Variants in CFAP210 observed in about 807,000 individuals in gnomAD.
The protein encoded by CFAP210 is cilia and flagella associated protein 210.
At chr2:169,658,661 T>C in the CFAP210 span, 1 of 190,900 alleles carries the variant, frequency 5.2e-6, no homozygotes, top group Non-Finnish European at 1.1e-5. Context: ...AAAACTGTAT[T>C]CTCAGTCAGT....
At chr2:169,671,751 G>A in the CFAP210 span, among the ~76,000 whole-genome samples, 64 of 152,322 alleles carry the variant, frequency 4.2e-4, 1 homozygote, top group African/African-American at 1.5e-3. Context: ...ATTGGGAGGC[G>A]TGAGCCACCG....
the CFAP210 span, chr2:169,654,300 G>A: frequency 8.5e-7 from 1 of 1,181,954 alleles, no homozygotes; most frequent in Non-Finnish European, 1.2e-6. Context: ...CTGTCAAATG[G>A]TCACAGCTTC....
At chr2:169,668,268 C>G in the CFAP210 span, among the ~76,000 whole-genome samples, 1 of 152,208 alleles carries the variant, frequency 6.6e-6, no homozygotes, top group Non-Finnish European at 1.5e-5. Context: ...CCATCACAGA[C>G]TTGAAGAGAG....
At chr2:169,673,929 A>C in the CFAP210 span, among the ~76,000 whole-genome samples, 1 of 152,206 alleles carries the variant, frequency 6.6e-6, no homozygotes, top group African/African-American at 2.4e-5. Context: ...CAAAACAGTA[A>C]TAGTAACTTC....
chr2:169,679,194 A>C, the CFAP210 span, among the ~76,000 whole-genome samples: 1 of 152,228 alleles, frequency 6.6e-6, no homozygotes, highest in African/African-American at 2.4e-5. Flanking sequence ...TGGTTCATAG[A>C]CCTATACAGG....
chr2:169,692,903 G>T, the CFAP210 span, among the ~76,000 whole-genome samples: 1 of 152,160 alleles, frequency 6.6e-6, no homozygotes, highest in African/African-American at 2.4e-5. Flanking sequence ...ACACGGGGCT[G>T]GGAGAAAAGT....
At chr2:169,674,193 T>A in the CFAP210 span, among the ~76,000 whole-genome samples, 3 of 152,190 alleles carry the variant, frequency 2.0e-5, no homozygotes, top group Admixed American at 6.6e-5. Flanking sequence ...GGCTGCTTCA[T>A]CCTGAACCTC....
chr2:169,652,013 C>T, the CFAP210 span, among the ~76,000 whole-genome samples: 1 of 152,066 alleles, frequency 6.6e-6, no homozygotes, highest in Non-Finnish European at 1.5e-5. Context: ...TTGAATGGGT[C>T]CTCTCTCTAG....
chr2:169,653,052 A>ATATATATATATATATATG, the CFAP210 span, among the ~76,000 whole-genome samples: 4 of 107,156 alleles, frequency 3.7e-5, no homozygotes, highest in African/African-American at 1.4e-4. Flanking sequence ...ATATATATAT[A>ATATATATATATATATATG]TATATATATA....
the CFAP210 span, among the ~76,000 whole-genome samples, chr2:169,681,712 T>C: frequency 6.6e-6 from 1 of 152,190 alleles, no homozygotes; most frequent in South Asian, 2.1e-4. Context: ...AGTCCCAGGG[T>C]GGGCCTAATT....
the CFAP210 span, among the ~76,000 whole-genome samples, chr2:169,665,450 A>T: frequency 2.7e-5 from 4 of 150,754 alleles, no homozygotes; most frequent in Admixed American, 1.3e-4. Context: ...ACAGGCATGC[A>T]TCACCACACC....
the CFAP210 span, among the ~76,000 whole-genome samples, chr2:169,678,336 T>C: frequency 0.65 from 83,247 of 127,872 alleles, 27,181 homozygotes; most frequent in African/African-American, 0.78. Flanking sequence ...AGCGAAACTC[T>C]GTTGCAAAAA....
At chr2:169,650,226 A>G in the CFAP210 span, 1 of 1,184,918 alleles carries the variant, frequency 8.4e-7, no homozygotes, top group Non-Finnish European at 1.1e-6. Flanking sequence ...TGTTTTTAAT[A>G]TCTTGGCTAG....
At chr2:169,651,293 G>A in the CFAP210 span, among the ~76,000 whole-genome samples, 1 of 151,870 alleles carries the variant, frequency 6.6e-6, no homozygotes, top group African/African-American at 2.4e-5. Context: ...TACTCAGGAG[G>A]CTGAGGCAGG....
chr2:169,667,252 C>T, the CFAP210 span, among the ~76,000 whole-genome samples: 1 of 151,760 alleles, frequency 6.6e-6, no homozygotes, highest in Non-Finnish European at 1.5e-5. Flanking sequence ...GATTCTCCTG[C>T]CTCAGCCTCC....
chr2:169,687,035 G>T, the CFAP210 span, among the ~76,000 whole-genome samples: 6 of 152,240 alleles, frequency 3.9e-5, no homozygotes, highest in Admixed American at 1.3e-4. Context: ...AAGCAAAAGC[G>T]GAAGTCCCTG....
chr2:169,666,744 A>G, the CFAP210 span, among the ~76,000 whole-genome samples: 1 of 152,070 alleles, frequency 6.6e-6, no homozygotes, highest in Non-Finnish European at 1.5e-5. Context: ...CCACAGTAGG[A>G]CTTCTTTCAA....
At chr2:169,650,729 A>C in the CFAP210 span, among the ~76,000 whole-genome samples, 1 of 96,298 alleles carries the variant, frequency 1.0e-5, no homozygotes, top group African/African-American at 4.2e-5. Flanking sequence ...AGTAATATGT[A>C]TAATCTGTGT....
At chr2:169,688,520 G>T in the CFAP210 span, among the ~76,000 whole-genome samples, 3 of 152,130 alleles carry the variant, frequency 2.0e-5, no homozygotes, top group Non-Finnish European at 2.9e-5. Flanking sequence ...CTCACCTCTT[G>T]AATGCTTTGC....
Sources: gnomAD v4.1 joint callset for allele counts (sites outside exome capture counted in the v4.1 genomes callset) on GRCh38, gnomAD v4.1.1 for gene constraint, MANE v1.5 for transcripts, NCBI Gene and HGNC (gene_info 2026-07-23, HGNC 2026-07-21) for gene names.